The following ARHGEF10 variants were observed in gnomAD, a reference collection of about 807,000 sequenced individuals.
ARHGEF10 encodes Rho guanine nucleotide exchange factor 10, also known as Rho guanine nucleotide exchange factor (GEF) 10.
A neutral mutation model predicts 147.4 loss-of-function variants in ARHGEF10; 140 were observed. The observed-to-expected ratio is 0.95, with a 90% confidence interval of 0.83 to 1.09. The LOEUF (loss-of-function observed/expected upper bound fraction) is 1.09, where lower values mean the gene tolerates loss of function less well. Ranked by LOEUF, ARHGEF10 falls within the 50% of genes least tolerant of loss-of-function variation. The probability of loss-of-function intolerance (pLI) is 0.00; values close to 1 mark genes in which losing one functional copy is unlikely to be tolerated. For synonymous variants in ARHGEF10, 902 were observed against 695.8 expected, an observed-to-expected ratio of 1.30 and a Z score of -4.67; for missense variants, 2,222 against 1,752.7, an observed-to-expected ratio of 1.27 and a Z score of -4.78.
chr8:1,896,691 A>G (rs998403669), intron 14 of ARHGEF10, among the ~76,000 whole-genome samples: 21 of 152,254 alleles, frequency 1.4e-4, no homozygotes, highest in African/African-American at 5.1e-4. Context: ...TTAAAATCAG[A>G]TCCCCAAAAA....
chr8:1,888,208 TGGGGCGAGG>T (rs1808923889), intron 11 of ARHGEF10, among the ~76,000 whole-genome samples: 2 of 68,314 alleles, frequency 2.9e-5, no homozygotes, highest in African/African-American at 1.5e-4. Flanking sequence ...AGACACTTAG[TGGGGCGAGG>T]GTTGCGAGGA....
intron 1 of ARHGEF10, among the ~76,000 whole-genome samples, chr8:1,838,747 T>C (rs1249393276): frequency 6.6e-6 from 1 of 152,164 alleles, no homozygotes; most frequent in Non-Finnish European, 1.5e-5. Context: ...CTGTGCAGCG[T>C]GGGGGCCATC....
chr8:1,903,557 C>T (rs1307621610), intron 16 of ARHGEF10, 106 bp downstream of exon 16: 18 of 1,447,452 alleles, frequency 1.2e-5, no homozygotes, highest in Non-Finnish European at 1.7e-5. Flanking sequence ...TGGAGTAATT[C>T]CCTTCGCCCA....
At chr8:1,898,265 G>T (rs1810173220) in intron 14 of ARHGEF10, among the ~76,000 whole-genome samples, 168 bp from the exon 15 acceptor site, 1 of 152,222 alleles carries the variant, frequency 6.6e-6, no homozygotes. Flanking sequence ...TAGAGCAGGT[G>T]CAGAAAGTGG....
intron 11 of ARHGEF10, among the ~76,000 whole-genome samples, chr8:1,886,879 T>C (rs1808706555): frequency 6.6e-6 from 1 of 152,158 alleles, no homozygotes; most frequent in South Asian, 2.1e-4. Context: ...AACCTGTCTG[T>C]GCTCACTGGG....
At position 1,923,500 on chromosome 8, in the gene ARHGEF10, A is replaced by G. The variant is rs370752117; in HGVS notation, c.2292A>G (p.Thr764=). The G allele has an allele frequency of 5.0e-6, 8 of 1,614,124 alleles. No individual in the cohort carries two copies. The highest frequency in any genetic ancestry group is 2.7e-5 in the African/African-American group (2 of 75,070). Residue 764 remains threonine (T), a synonymous_variant, in exon 20 of 29, where the codon ACA becomes ACG. Coordinates refer to ENST00000349830, the MANE Select transcript of ARHGEF10 (RefSeq NM_014629.4). The part of the protein sequence containing the change: ...NLNQSVAHDW[T]SGLQRLILKK... ...ACCAGTCAGTAGCCCATGACTGGAC[A>G]TCAGGTTTACAAAGGCTTATTTTGA...
chr8:1,911,091 C>G (rs1361241102), intron 18 of ARHGEF10, among the ~76,000 whole-genome samples: 1 of 152,174 alleles, frequency 6.6e-6, no homozygotes, highest in Non-Finnish European at 1.5e-5. Flanking sequence ...TATGAGCTTC[C>G]TATCAGCCAC....
intron 1 of ARHGEF10, among the ~76,000 whole-genome samples, chr8:1,841,837 CGGGAA>C: frequency 5.9e-5 from 5 of 84,984 alleles, no homozygotes; most frequent in East Asian, 4.3e-4. Flanking sequence ...GGGGCCGCGA[CGGGAA>C]CTGGGGCCGC....
chr8:1,897,541 T>TC (rs1253152841), intron 14 of ARHGEF10, among the ~76,000 whole-genome samples: 2 of 149,674 alleles, frequency 1.3e-5, no homozygotes, highest in Non-Finnish European at 3.0e-5. Flanking sequence ...GGATCGCAGT[T>TC]CCCCCTCTGG....
rs879777731 is a variant in ARHGEF10 at position 1,889,904 on chromosome 8, AACTTTGTTAGGAGGCAGTGAGTGGGGCG to A, written c.1183-3663_1183-3636del. ...TTGTGAGGAGACACTGCATGGGGTG[AACTTTGTTAGGAGGCAGTGAGTGGGGCG>A]AGGGTTGTGAGGAGACACTGAGTGG... On this transcript the variant is annotated intron_variant, in intron 11 of 28. Coordinates refer to ENST00000349830, the MANE Select transcript of ARHGEF10 (RefSeq NM_014629.4). 6.8e-3 allele frequency among the ~76,000 whole-genome samples: 836 copies of A among 123,344 alleles called. 2 individuals carry two copies. The highest frequency in any genetic ancestry group is 0.013 in the South Asian group (44 of 3,476). The allele number at this position is 123,344 out of a possible 152,430, so 80.9% of individuals were successfully genotyped here. A position where few individuals can be genotyped will look rare whatever the true frequency, so the allele number is the denominator to read the frequency against.
rs1183400052 is a variant in ARHGEF10, at chr8:1,934,022, A to T, written c.3222+80A>T. The T allele has an allele frequency of 9.5e-6, 15 of 1,587,076 alleles. No homozygotes were observed. In the East Asian group the frequency reaches 2.9e-4, roughly 31 times the overall value. On this transcript the variant is annotated intron_variant, in intron 26 of 28. Transcript: ENST00000349830. Reference sequence around the variant, plus strand: ...CAGCTGACTTCTGGTGCCGAAGTCAAGGCTTCTTGCCTGTGGCTAAATTTC... The same window carrying T: ...CAGCTGACTTCTGGTGCCGAAGTCATGGCTTCTTGCCTGTGGCTAAATTTC...
At chr8:1,836,459 G>T (rs555692218) in intron 1 of ARHGEF10, among the ~76,000 whole-genome samples, 5 of 152,292 alleles carry the variant, frequency 3.3e-5, no homozygotes, top group African/African-American at 1.2e-4. Flanking sequence ...TGAGTCACCT[G>T]TGGGGAGTTG....
intron 2 of ARHGEF10, among the ~76,000 whole-genome samples, chr8:1,855,808 C>G (rs552176555): frequency 5.9e-5 from 9 of 152,126 alleles, no homozygotes; most frequent in Non-Finnish European, 1.3e-4. Flanking sequence ...GTGGAAATGA[C>G]AGTTGCATTT....
intron 7 of ARHGEF10, chr8:1,869,609 A>G (rs1806921141): frequency 2.7e-6 from 1 of 377,358 alleles, no homozygotes; most frequent in Non-Finnish European, 5.0e-6. Context: ...GTAATAGTCA[A>G]AGAAATAACT....
chr8:1,853,298 C>T (rs931476531), intron 2 of ARHGEF10, among the ~76,000 whole-genome samples: 6 of 152,218 alleles, frequency 3.9e-5, no homozygotes, highest in Non-Finnish European at 8.8e-5. Flanking sequence ...GAGCGCCGGG[C>T]CCTTCCCGCC....
chr8:1,858,247 G>A (rs1295508654), intron 3 of ARHGEF10, 132 bp downstream of exon 3: 3 of 767,388 alleles, frequency 3.9e-6, no homozygotes, highest in Non-Finnish European at 6.1e-6. Context: ...TGGGTCCCCA[G>A]GTGAGTCCCC....
intron 25 of ARHGEF10, among the ~76,000 whole-genome samples, chr8:1,931,287 G>GT (rs1042013207): frequency 6.2e-4 from 94 of 152,266 alleles, no homozygotes; most frequent in African/African-American, 2.1e-3. Flanking sequence ...ATTTTTTTCT[G>GT]TTTTTCTAAT....
intron 11 of ARHGEF10, among the ~76,000 whole-genome samples, chr8:1,888,185 A>G (rs1563233800): frequency 1.5e-5 from 1 of 65,092 alleles, no homozygotes; most frequent in Admixed American, 1.2e-4. Flanking sequence ...GAGTGGGGTG[A>G]GGGTTTGCGA....
At chr8:1,887,381 T>C (rs1297201061) in intron 11 of ARHGEF10, among the ~76,000 whole-genome samples, 1 of 151,960 alleles carries the variant, frequency 6.6e-6, no homozygotes, top group African/African-American at 2.4e-5. Context: ...GTGGGCAGGA[T>C]GCGGGGGTGA....
Sources: gnomAD v4.1 joint callset for allele counts (sites outside exome capture counted in the v4.1 genomes callset) on GRCh38, gnomAD v4.1.1 for gene constraint, MANE v1.5 for transcripts, NCBI Gene and HGNC (gene_info 2026-07-23, HGNC 2026-07-21) for gene names.